Variants in MATN2 observed in about 807,000 individuals in gnomAD.
MATN2 encodes the protein matrilin 2.
A neutral mutation model predicts 103.2 loss-of-function variants in MATN2; 69 were observed. The ratio of observed to expected loss-of-function variants is 0.67; its 90% CI spans 0.55 to 0.82. MATN2 has a LOEUF of 0.82. Ranked by LOEUF, MATN2 falls within the 40% of genes least tolerant of loss-of-function variation. MATN2 has a pLI of 0.00. For synonymous variants in MATN2, 429 were observed against 450.2 expected (o/e 0.95, Z 0.60); for missense variants, 1,023 against 1,211.5 (o/e 0.84, Z 2.31).
Position 98,007,734 on chromosome 8 carries a change from A to T in MATN2, c.1573+133A>T. The T allele has an allele frequency of 9.2e-7, 1 of 1,085,274 alleles. No homozygotes were observed. Among genetic ancestry groups the T allele is most frequent in the Non-Finnish European group, 1.3e-6 (1 of 764,902 alleles). 67.2% of individuals were successfully genotyped at this position (1,085,274 alleles called of 1,614,324 possible). A position where few individuals can be genotyped will look rare whatever the true frequency, so the allele number is the denominator to read the frequency against. ...CTGGGCCTGCATGAATGTGTGTGAC[A>T]GCATCTCTTAGCCATTAAGCCTTGG... is the stretch of plus-strand genomic sequence containing the variant. On this transcript the variant is annotated intron_variant, in intron 10 of 18. Transcript: ENST00000254898. The surrounding 1 kb of genome is among the most constrained non-coding windows in gnomAD (Gnocchi z 4.2).
chr8:97,914,270 T>C (rs1225758763), intron 2 of MATN2, among the ~76,000 whole-genome samples: 1 of 151,050 alleles, frequency 6.6e-6, no homozygotes, highest in African/African-American at 2.4e-5. Context: ...AAGTCTGGGC[T>C]GTCAGGAACC....
At chr8:97,875,524 C>T (rs944934321) in intron 1 of MATN2, among the ~76,000 whole-genome samples, 5 of 152,032 alleles carry the variant, frequency 3.3e-5, no homozygotes, top group Non-Finnish European at 7.4e-5. Flanking sequence ...GTAACTGCCC[C>T]CAAGATCTGC....
Position 97,892,987 on chromosome 8 carries a change from T to C in MATN2, c.142+4745T>C, listed in dbSNP as rs549026761. ...GGCGCTGGGTCTGCCAGACAGGTGG[T>C]CTGAGCTGGAGATAAGGCAGCAATA... On this transcript the variant is annotated intron_variant, in intron 2 of 18. Transcript: ENST00000254898. 2.0e-5 allele frequency among the ~76,000 whole-genome samples: 3 copies of C among 152,176 alleles called. No homozygotes were observed. The East Asian group carries it at 5.8e-4, about 29-fold the overall frequency.
chr8:98,013,989 G>A (rs1813272066), intron 10 of MATN2, among the ~76,000 whole-genome samples: 1 of 152,074 alleles, frequency 6.6e-6, no homozygotes. Context: ...TGCACCTGTA[G>A]TCCCAGCTAC....
intron 1 of MATN2, among the ~76,000 whole-genome samples, chr8:97,876,531 C>T (rs191452420): frequency 8.6e-5 from 13 of 151,948 alleles, no homozygotes; most frequent in Non-Finnish European, 1.6e-4. Flanking sequence ...ACAATATTGA[C>T]CAGGCTGGTC....
intron 10 of MATN2, among the ~76,000 whole-genome samples, chr8:98,009,306 C>T (rs113629896): frequency 1.6e-4 from 24 of 152,288 alleles, no homozygotes; most frequent in African/African-American, 5.3e-4. Context: ...AGGTTTTCAG[C>T]GTGGCCACAG....
chr8:97,971,772 G>A (rs1385449332), intron 5 of MATN2, among the ~76,000 whole-genome samples: 1 of 152,118 alleles, frequency 6.6e-6, no homozygotes, highest in Non-Finnish European at 1.5e-5. Context: ...CTTTCACAGA[G>A]TGGACTTGAA....
intron 2 of MATN2, among the ~76,000 whole-genome samples, chr8:97,895,320 C>A (rs936783009): frequency 6.6e-6 from 1 of 152,210 alleles, no homozygotes; most frequent in African/African-American, 2.4e-5. Context: ...CCGACCAACC[C>A]GTGGAAGCCA....
intron 18 of MATN2, chr8:98,034,181 C>A (rs1483000890): frequency 6.6e-6 from 3 of 455,354 alleles, no homozygotes; most frequent in Non-Finnish European, 1.3e-5. Context: ...CAGCAGAGAT[C>A]TTCTCTATCG....
At chr8:98,016,791 T>C in intron 11 of MATN2, 129 bp downstream of exon 11, 1 of 1,049,920 alleles carries the variant, frequency 9.5e-7, no homozygotes, top group Non-Finnish European at 1.4e-6. Flanking sequence ...TGTAGTGTCC[T>C]GGATAGGACC....
At chr8:97,981,586 A>C (rs1465902211) in intron 6 of MATN2, among the ~76,000 whole-genome samples, 1 of 152,208 alleles carries the variant, frequency 6.6e-6, no homozygotes. Context: ...CTACAGTGTG[A>C]TGCAGCCAGG....
rs1554605222 is a variant in MATN2, at chr8:97,941,823, C to T, written c.759C>T (p.Cys253=). The T allele has an allele frequency of 1.9e-6, 3 of 1,612,266 alleles. No individual in the cohort carries two copies. In the South Asian group the frequency reaches 3.3e-5, roughly 18 times the overall value. The change falls in exon 4 of 19, where the codon TGC becomes TGT. Residue 253 remains cysteine (C), a synonymous_variant. Transcript: ENST00000254898. ...TGGAGCATAACTGTGCCCACTTCTG[C>T]ATCAACATCCCTGGCTCATACGTCT... ...STLEHNCAHF[C]INIPGSYVCR... is the part of the protein sequence containing the mutation.
At position 98,005,364 on chromosome 8, in the gene MATN2, T is replaced by A. The variant is rs1000236776; in HGVS notation, c.1327+1581T>A. ...CAGGAGATGCCCTGGTGACCATGGA[T>A]CTGTGTGTATCCTGCCTGTTTCCCG... is the stretch of plus-strand genomic sequence containing the variant. On this transcript the variant is annotated intron_variant, in intron 8 of 18. Coordinates refer to ENST00000254898, the MANE Select transcript of MATN2 (RefSeq NM_002380.5). The surrounding 1 kb of genome is among the most constrained non-coding windows in gnomAD (Gnocchi z 4.6). Among the ~76,000 whole-genome samples the A allele has an allele frequency of 6.6e-6, 1 of 152,100 alleles. No homozygotes were observed.
chr8:97,928,726 A>T (rs545305972), intron 2 of MATN2, among the ~76,000 whole-genome samples: 1 of 152,326 alleles, frequency 6.6e-6, no homozygotes. Flanking sequence ...GAGAGCCTGT[A>T]CATGCAGCCA....
intron 3 of MATN2, among the ~76,000 whole-genome samples, chr8:97,939,278 T>C (rs1475428828): frequency 6.6e-6 from 1 of 152,198 alleles, no homozygotes; most frequent in Non-Finnish European, 1.5e-5. Context: ...ATGTTTTCCC[T>C]GTAAGGCACA....
At chr8:98,033,431 C>G in intron 17 of MATN2, 130 bp from the exon 18 acceptor site, 1 of 652,430 alleles carries the variant, frequency 1.5e-6, no homozygotes, top group East Asian at 2.8e-5. Flanking sequence ...TTTACTGGAT[C>G]TGGCTGCATG....
chr8:98,003,611 C>T (rs369792295), intron 7 of MATN2, 50 bp from the exon 8 acceptor site: 228 of 1,610,816 alleles, frequency 1.4e-4, no homozygotes, highest in Non-Finnish European at 1.9e-4. Flanking sequence ...TGCCATCAGC[C>T]CTGGGAGAGG....
intron 3 of MATN2, among the ~76,000 whole-genome samples, chr8:97,936,364 C>T (rs948872744): frequency 2.0e-5 from 3 of 152,108 alleles, no homozygotes; most frequent in African/African-American, 4.8e-5. Flanking sequence ...CCCACCCCAC[C>T]CAGGCCAGGC....
In MATN2 at chr8:97,935,152, G is replaced by C. The variant is rs1178271461; in HGVS notation, c.712+3630G>C. 1.3e-4 allele frequency among the ~76,000 whole-genome samples: 20 copies of C among 152,094 alleles called. No homozygotes were observed. The East Asian group carries it at 3.3e-3, about 25-fold the overall frequency. On this transcript the variant is annotated intron_variant, in intron 3 of 18. Transcript: ENST00000254898. ...TTGTCCAGGCTGGCCTCGAACTCCTGGGCTCAAGCAACCCTCTCACATCAG... is the reference window on the plus strand; with the variant it reads ...TTGTCCAGGCTGGCCTCGAACTCCTCGGCTCAAGCAACCCTCTCACATCAG...
Sources: gnomAD v4.1 joint callset for allele counts (sites outside exome capture counted in the v4.1 genomes callset) on GRCh38, gnomAD v4.1.1 for gene constraint, Gnocchi (gnomAD v3.1) non-coding constraint, MANE v1.5 for transcripts, NCBI Gene and HGNC (gene_info 2026-07-23, HGNC 2026-07-21) for gene names.